CDH8: variants seen among roughly 807,000 people sequenced by gnomAD.
CDH8 encodes cadherin-8.
CDH8 carries 17 observed loss-of-function variants against 68.1 expected under a neutral mutation model. That is an observed-to-expected ratio of 0.25 (90% CI 0.17 to 0.37). The LOEUF (loss-of-function observed/expected upper bound fraction) is 0.37. Among genes scored for constraint, CDH8 ranks in the 10% least tolerant of loss-of-function variants. The probability of loss-of-function intolerance (pLI) is 1.00; values close to 1 mark genes in which losing one functional copy is unlikely to be tolerated. For missense variants in CDH8, 763 were observed against 999.3 expected, an observed-to-expected ratio of 0.76 and a Z score of 3.19; for synonymous variants, 372 against 365.1, an observed-to-expected ratio of 1.02 and a Z score of -0.21.
intron 8 of CDH8, among the ~76,000 whole-genome samples, chr16:61,778,767 A>G (rs74342841): frequency 0.043 from 6,587 of 152,226 alleles, 394 homozygotes; most frequent in East Asian, 0.24. Context: ...CCAAGGTTAT[A>G]TGACCAAAAT....
At chr16:61,698,042 A>G (rs560291212) in intron 10 of CDH8, among the ~76,000 whole-genome samples, 1 of 152,316 alleles carries the variant, frequency 6.6e-6, no homozygotes, top group South Asian at 2.1e-4. Flanking sequence ...CTTCTAACAT[A>G]TAAGTTTTAT....
chr16:61,705,349 G>A (rs536710544), intron 10 of CDH8, among the ~76,000 whole-genome samples: 1 of 152,208 alleles, frequency 6.6e-6, no homozygotes, highest in African/African-American at 2.4e-5. Context: ...GCTGGTAAAG[G>A]CATGAACCTC....
rs550961853 is a variant in CDH8, at chr16:61,793,717, C to T, written c.1278-4235G>A. 3.9e-5 allele frequency among the ~76,000 whole-genome samples: 6 copies of T among 152,078 alleles called. 1 individual carries two copies. The South Asian group carries it at 1.2e-3, about 32-fold the overall frequency. Reference sequence around the variant, plus strand: ...TGAATAGTGCTGCAATTAACCTATGCATGCCTGTGTCTTTATAACGGAATG... The same window carrying T: ...TGAATAGTGCTGCAATTAACCTATGTATGCCTGTGTCTTTATAACGGAATG... On this transcript the variant is annotated intron_variant, in intron 7 of 11. Transcript: ENST00000577390.
In CDH8 at chr16:61,959,982, G is replaced by GTATATA. The variant is rs1434686241; in HGVS notation, c.253-58510_253-58509insTATATA. Reference sequence around the variant, plus strand: ...CTGTATGTGGTGTATGTGTGTGTGTGTGTATATATATATATATATATATAT... The same window carrying GTATATA: ...CTGTATGTGGTGTATGTGTGTGTGTGTATATATGTATATATATATATATATATATAT... On this transcript the variant is annotated intron_variant, in intron 2 of 11. Transcript: ENST00000577390. Among the ~76,000 whole-genome samples, 35 of 31,056 alleles carry GTATATA rather than the reference G, an allele frequency of 1.1e-3. 1 individual carries two copies. Among genetic ancestry groups the GTATATA allele is most frequent in the South Asian group, 4.0e-3 (3 of 756 alleles). 20.4% of individuals were successfully genotyped at this position (31,056 alleles called of 152,430 possible).
At chr16:61,969,691 T>C (rs891971849) in intron 2 of CDH8, among the ~76,000 whole-genome samples, 19 of 152,242 alleles carry the variant, frequency 1.2e-4, no homozygotes, top group African/African-American at 4.3e-4. Flanking sequence ...AAGATGTGTA[T>C]AGTCTCATTC....
At chr16:61,712,373 C>G (rs1964646987) in intron 10 of CDH8, among the ~76,000 whole-genome samples, 1 of 151,586 alleles carries the variant, frequency 6.6e-6, no homozygotes, top group East Asian at 1.9e-4. Context: ...ACAAAATTTA[C>G]AGGAAACACT....
chr16:61,851,956 C>A (rs1167190209), intron 4 of CDH8, among the ~76,000 whole-genome samples: 2 of 152,046 alleles, frequency 1.3e-5, no homozygotes, highest in Non-Finnish European at 2.9e-5. Flanking sequence ...GCAGATTCAC[C>A]TTGAATCCTG....
intron 10 of CDH8, among the ~76,000 whole-genome samples, chr16:61,707,155 T>G (rs1365394004): frequency 6.6e-6 from 1 of 152,160 alleles, no homozygotes; most frequent in Non-Finnish European, 1.5e-5. Context: ...CTTATTTAGG[T>G]TCCTTATTAA....
In CDH8 at chr16:62,036,300, G is replaced by T. The variant is rs1902458852; in HGVS notation, c.-420C>A. On this transcript the variant is annotated 5_prime_UTR_variant, in exon 1 of 12. Transcript: ENST00000577390. ...GTGTCCGCAACCCAAAGTGCAGCTG[G>T]TGTCTTGACGCTACCGTCTATGCAC... The T allele has an allele frequency of 6.5e-6, 1 of 152,892 alleles. No individual in the cohort carries two copies. The highest frequency in any genetic ancestry group is 2.4e-5 in the African/African-American group (1 of 41,484). The allele number at this position is 152,892 out of a possible 1,614,324, so 9.5% of individuals were successfully genotyped here.
chr16:61,732,861 C>A (rs944703137), intron 8 of CDH8, among the ~76,000 whole-genome samples: 12 of 151,354 alleles, frequency 7.9e-5, no homozygotes, highest in African/African-American at 2.4e-4. Context: ...ATATGTTTGC[C>A]AATCATAGCA....
intron 6 of CDH8, among the ~76,000 whole-genome samples, chr16:61,818,481 C>T (rs1003820838): frequency 2.0e-5 from 3 of 151,954 alleles, no homozygotes; most frequent in Non-Finnish European, 4.4e-5. Context: ...CTAATTGTGC[C>T]CCCACAAACC....
At chr16:61,801,886 G>A (rs1961650832) in intron 7 of CDH8, among the ~76,000 whole-genome samples, 1 of 151,348 alleles carries the variant, frequency 6.6e-6, no homozygotes, top group Non-Finnish European at 1.5e-5. Context: ...GCGAGGCTGG[G>A]GGAGGGGCGC....
chr16:61,753,722 A>G (rs1960232651), intron 8 of CDH8, among the ~76,000 whole-genome samples: 1 of 152,174 alleles, frequency 6.6e-6, no homozygotes, highest in African/African-American at 2.4e-5. Context: ...TAGTCGGTAA[A>G]AAAGTACTAC....
chr16:61,842,224 T>G (rs1597011330), intron 4 of CDH8, among the ~76,000 whole-genome samples: 1 of 152,106 alleles, frequency 6.6e-6, no homozygotes, highest in African/African-American at 2.4e-5. Flanking sequence ...TGTATGGTTT[T>G]AATGTTTGCT....
chr16:61,654,466 A>T (rs1277221052), intron 11 of CDH8, among the ~76,000 whole-genome samples: 1 of 151,992 alleles, frequency 6.6e-6, no homozygotes, highest in Non-Finnish European at 1.5e-5. Context: ...AAGTCCTTTA[A>T]CATCCTTTGG....
At chr16:62,024,573 A>C (rs897560153) in intron 1 of CDH8, among the ~76,000 whole-genome samples, 1 of 152,174 alleles carries the variant, frequency 6.6e-6, no homozygotes, top group African/African-American at 2.4e-5. Flanking sequence ...CCTCTACCTG[A>C]ACTCACCAGA....
At chr16:61,945,437 T>TAAAA (rs59806534) in intron 2 of CDH8, among the ~76,000 whole-genome samples, 1 of 120,428 alleles carries the variant, frequency 8.3e-6, no homozygotes, top group Non-Finnish European at 1.7e-5. Context: ...GATGCATGAT[T>TAAAA]AAAAAAAAAA....
intron 8 of CDH8, among the ~76,000 whole-genome samples, chr16:61,755,924 G>A (rs1359530348): frequency 6.6e-6 from 1 of 151,906 alleles, no homozygotes; most frequent in Non-Finnish European, 1.5e-5. Context: ...TGGTTCAAGC[G>A]ATTCTTGTGC....
At chr16:61,982,421 G>T (rs1000164058) in intron 2 of CDH8, among the ~76,000 whole-genome samples, 1 of 151,890 alleles carries the variant, frequency 6.6e-6, no homozygotes, top group Non-Finnish European at 1.5e-5. Context: ...GGGTTTCACC[G>T]TGTTAGCCGG....
Sources: allele counts gnomAD v4.1 joint callset (sites outside exome capture counted in the v4.1 genomes callset), GRCh38; gene constraint gnomAD v4.1.1; transcripts MANE v1.5; gene names NCBI Gene and HGNC (gene_info 2026-07-23, HGNC 2026-07-21).